GPM6A: variants seen among roughly 807,000 people sequenced by gnomAD.
The protein encoded by GPM6A is neuronal membrane glycoprotein M6-a.
Under a neutral mutation model 32.1 loss-of-function variants are expected in GPM6A, and 7 were observed. The ratio of observed to expected loss-of-function variants is 0.22; its 90% CI spans 0.12 to 0.41. The LOEUF (loss-of-function observed/expected upper bound fraction) is 0.41. GPM6A is among the 10% of genes least tolerant of loss of function. The pLI is 1.00. For synonymous variants in GPM6A, 130 were observed against 123.4 expected, an observed-to-expected ratio of 1.05 and a Z score of -0.35; for missense variants, 235 against 347.2, an observed-to-expected ratio of 0.68 and a Z score of 2.57.
rs372560012 is a variant in GPM6A at position 175,770,371 on chromosome 4, A to C, written c.37+41820T>G. 5.9e-5 allele frequency among the ~76,000 whole-genome samples: 9 copies of C among 152,270 alleles called. No homozygotes were observed. In the South Asian group the frequency reaches 1.9e-3, roughly 32 times the overall value. On this transcript the variant is annotated intron_variant, in intron 1 of 6. Coordinates refer to ENST00000393658, the MANE Select transcript of GPM6A (RefSeq NM_201591.3). The stretch of plus-strand genomic sequence containing the variant: ...AGCTCTGTGGCTGCCAGGCTGGCTC[A>C]CCTTTAATCTCTTAGCTCTTAATTA...
chr4:175,756,956 G>T (rs1732551269), intron 1 of GPM6A, among the ~76,000 whole-genome samples: 1 of 152,068 alleles, frequency 6.6e-6, no homozygotes, highest in African/African-American at 2.4e-5. Context: ...AGGCAAATAT[G>T]GGGCAATGGG....
chr4:175,885,882 C>T (rs1737437051), intron 1 of GPM6A, among the ~76,000 whole-genome samples: 1 of 152,110 alleles, frequency 6.6e-6, no homozygotes, highest in African/African-American at 2.4e-5. Context: ...TGTTTTTTAA[C>T]AGTCTTAATA....
intron 1 of GPM6A, among the ~76,000 whole-genome samples, chr4:175,744,424 T>A (rs1179172883): frequency 6.6e-6 from 1 of 152,052 alleles, no homozygotes; most frequent in Non-Finnish European, 1.5e-5. Flanking sequence ...TACAAGTCGA[T>A]GATCTAAGCA....
Position 175,918,513 on chromosome 4 carries a change from A to C in GPM6A, c.-23+83796T>G, listed in dbSNP as rs111538049. Among the ~76,000 whole-genome samples the C allele has an allele frequency of 5.1e-3, 775 of 152,272 alleles. 1 individual carries two copies. Among genetic ancestry groups the C allele is most frequent in the African/African-American group, 0.017 (719 of 41,560 alleles). Reference sequence around the variant, plus strand: ...ACAGTTCCTGTCCTTAACAACAAAAAAAAAAAGCTACAAATGAATTCTGGA... The same window carrying C: ...ACAGTTCCTGTCCTTAACAACAAAACAAAAAAGCTACAAATGAATTCTGGA... On this transcript the variant is annotated intron_variant, in intron 1 of 7. Coordinates refer to the GPM6A transcript ENST00000280187.
chr4:175,714,725 C>T (rs1412285833), intron 1 of GPM6A, among the ~76,000 whole-genome samples: 2 of 151,912 alleles, frequency 1.3e-5, no homozygotes, highest in Non-Finnish European at 2.9e-5. Context: ...GTTTAAAATG[C>T]TATCATGAAA....
At chr4:175,796,269 AT>A (rs1480915560) in intron 1 of GPM6A, among the ~76,000 whole-genome samples, 1 of 152,174 alleles carries the variant, frequency 6.6e-6, no homozygotes, top group Non-Finnish European at 1.5e-5. Flanking sequence ...AATCACAAAC[AT>A]TGGAAGTAAA....
intron 2 of GPM6A, among the ~76,000 whole-genome samples, chr4:175,699,634 TA>T (rs1451680955): frequency 2.0e-5 from 3 of 152,210 alleles, no homozygotes; most frequent in Non-Finnish European, 4.4e-5. Context: ...TCCATTCTTC[TA>T]ATCCCCATGT....
In GPM6A at chr4:175,778,198, T is replaced by A. The variant is rs184289779; in HGVS notation, c.37+33993A>T. Among the ~76,000 whole-genome samples, 27 of 152,308 alleles carry A rather than the reference T, an allele frequency of 1.8e-4. No individual in the cohort carries two copies. In the East Asian group the frequency reaches 5.2e-3, roughly 29 times the overall value. ...TTAATGTTTTCTGTGGGAAAAATTA[T>A]CCTAAGGAAGGCTGAAGCATTTAGA... On this transcript the variant is annotated intron_variant, in intron 1 of 6. Transcript: ENST00000393658.
At chr4:175,722,005 C>T (rs536933752) in intron 1 of GPM6A, among the ~76,000 whole-genome samples, 7 of 152,088 alleles carry the variant, frequency 4.6e-5, no homozygotes, top group East Asian at 1.9e-4. Flanking sequence ...TTATATTATG[C>T]GCCAGGTGCA....
intron 1 of GPM6A, chr4:175,960,851 A>G (rs1740141561): frequency 6.6e-6 from 1 of 152,230 alleles, no homozygotes; most frequent in Admixed American, 6.5e-5. Context: ...CCACATCAGG[A>G]TATACAAAAT....
intron 1 of GPM6A, among the ~76,000 whole-genome samples, chr4:175,898,014 A>C (rs569111457): frequency 1.4e-4 from 21 of 152,346 alleles, no homozygotes; most frequent in Non-Finnish European, 2.9e-4. Context: ...GAGACAGGCA[A>C]GATAACAATA....
At chr4:175,761,688 C>T (rs941531231) in intron 1 of GPM6A, among the ~76,000 whole-genome samples, 1 of 151,790 alleles carries the variant, frequency 6.6e-6, no homozygotes, top group Non-Finnish European at 1.5e-5. Context: ...AATGTCTCTC[C>T]ATTGACAAAA....
intron 1 of GPM6A, among the ~76,000 whole-genome samples, chr4:175,709,110 T>C (rs763458727): frequency 6.6e-6 from 1 of 152,250 alleles, no homozygotes; most frequent in Non-Finnish European, 1.5e-5. Flanking sequence ...CATTTTCTCA[T>C]TAAGTTGTAT....
At chr4:175,869,400 C>A (rs188108509) in intron 1 of GPM6A, among the ~76,000 whole-genome samples, 108 of 151,988 alleles carry the variant, frequency 7.1e-4, no homozygotes, top group African/African-American at 2.5e-3. Flanking sequence ...AAAAAGGGAG[C>A]ACATATACCC....
intron 1 of GPM6A, among the ~76,000 whole-genome samples, chr4:175,965,076 C>T (rs1449130215): frequency 6.6e-6 from 1 of 152,180 alleles, no homozygotes; most frequent in African/African-American, 2.4e-5. Context: ...ATCTAATTGA[C>T]GTTTATGGAC....
intron 1 of GPM6A, among the ~76,000 whole-genome samples, chr4:175,843,203 G>A (rs1174833943): frequency 2.0e-5 from 3 of 152,130 alleles, no homozygotes; most frequent in Non-Finnish European, 4.4e-5. Flanking sequence ...GGATTTCCTA[G>A]ATGAAGAGCA....
rs552324897 is a variant in GPM6A at position 175,729,995 on chromosome 4, C to T, written c.38-28228G>A. 8.7e-5 allele frequency among the ~76,000 whole-genome samples: 13 copies of T among 149,508 alleles called. No individual in the cohort carries two copies. In the East Asian group the frequency reaches 2.5e-3, roughly 29 times the overall value. ...ACTTCTCTCCTGATATCTAAAGATC[C>T]TTGTACAGTCAGTCATGCTGCCTTT... is the stretch of plus-strand genomic sequence containing the variant. On this transcript the variant is annotated intron_variant, in intron 1 of 6. Coordinates refer to ENST00000393658, the MANE Select transcript of GPM6A (RefSeq NM_201591.3).
At chr4:175,892,580 G>A (rs934082371) in intron 1 of GPM6A, among the ~76,000 whole-genome samples, 1 of 152,100 alleles carries the variant, frequency 6.6e-6, no homozygotes, top group Admixed American at 6.6e-5. Context: ...GTAAGAGAGA[G>A]TGAAGGACTA....
At chr4:175,686,971 G>A (rs947704537) in intron 2 of GPM6A, among the ~76,000 whole-genome samples, 17 of 152,272 alleles carry the variant, frequency 1.1e-4, no homozygotes, top group African/African-American at 3.8e-4. Flanking sequence ...TTCTTCCTAA[G>A]CACTGAAAAC....
Sources: gnomAD v4.1 joint callset for allele counts (sites outside exome capture counted in the v4.1 genomes callset) on GRCh38, gnomAD v4.1.1 for gene constraint, MANE v1.5 for transcripts, NCBI Gene and HGNC (gene_info 2026-07-23, HGNC 2026-07-21) for gene names.